ALCAM: variants seen among roughly 807,000 people sequenced by gnomAD.
ALCAM encodes CD166 antigen.
Under a neutral mutation model 70.9 loss-of-function variants are expected in ALCAM, and 30 were observed. The observed-to-expected ratio is 0.42, with a 90% CI of 0.32 to 0.57. The LOEUF (loss-of-function observed/expected upper bound fraction) is 0.57. Among genes scored for constraint, ALCAM ranks in the 20% least tolerant of loss-of-function variants. The pLI, the probability that ALCAM is intolerant of heterozygous loss-of-function variation, is 0.11. For missense variants in ALCAM, 591 were observed against 695.1 expected (o/e 0.85, Z 1.68); for synonymous variants, 249 against 242.5 (o/e 1.03, Z -0.25).
intron 1 of ALCAM, among the ~76,000 whole-genome samples, chr3:105,392,144 G>A (rs913585674): frequency 3.3e-5 from 5 of 151,992 alleles, no homozygotes; most frequent in Admixed American, 6.6e-5. Flanking sequence ...AGAAGAAATG[G>A]TATCAGCTCC....
At chr3:105,480,959 T>C (rs998195047) in intron 1 of ALCAM, among the ~76,000 whole-genome samples, 1 of 151,964 alleles carries the variant, frequency 6.6e-6, no homozygotes, top group Non-Finnish European at 1.5e-5. Flanking sequence ...GTCTGATTGA[T>C]GAGATTCTGT....
At chr3:105,513,671 T>C (rs1271871966) in intron 1 of ALCAM, among the ~76,000 whole-genome samples, 2 of 151,964 alleles carry the variant, frequency 1.3e-5, no homozygotes, top group Non-Finnish European at 2.9e-5. Context: ...AAAAATAAGG[T>C]TTCACAACTT....
At chr3:105,383,320 G>A (rs545353061) in intron 1 of ALCAM, among the ~76,000 whole-genome samples, 1 of 151,574 alleles carries the variant, frequency 6.6e-6, no homozygotes, top group Non-Finnish European at 1.5e-5. Context: ...TCTACCCAGC[G>A]TCTACTGATA....
chr3:105,527,715 A>C (rs1939740174), intron 3 of ALCAM, among the ~76,000 whole-genome samples: 1 of 152,090 alleles, frequency 6.6e-6, no homozygotes. Flanking sequence ...GCAGACATAG[A>C]GTCTGCTCTG....
rs78658593 is a variant in ALCAM at position 105,455,733 on chromosome 3, A to G, written c.74-64334A>G. ...CGAGCGACCACCGCCTTTCCAGGCA[A>G]TAACCCGATGACCCAGAAGTTACTA... is the stretch of plus-strand genomic sequence containing the variant. On this transcript the variant is annotated intron_variant, in intron 1 of 15. Coordinates refer to ENST00000306107, the MANE Select transcript of ALCAM (RefSeq NM_001627.4). Among the ~76,000 whole-genome samples, 1,233 of 152,326 alleles carry G rather than the reference A, an allele frequency of 8.1e-3. 49 individuals are homozygous for G. In the East Asian group the frequency reaches 0.12, roughly 15 times the overall value.
chr3:105,516,303 A>G (rs1939377055), intron 1 of ALCAM, among the ~76,000 whole-genome samples: 1 of 152,050 alleles, frequency 6.6e-6, no homozygotes, highest in Non-Finnish European at 1.5e-5. Context: ...GGCCAAAATT[A>G]CATTTTTATT....
chr3:105,460,158 G>C (rs1306008218), intron 1 of ALCAM, among the ~76,000 whole-genome samples: 1 of 151,878 alleles, frequency 6.6e-6, no homozygotes, highest in Non-Finnish European at 1.5e-5. Context: ...CATGCAGAAA[G>C]GTTATGTTTT....
chr3:105,459,842 C>T (rs1036639253), intron 1 of ALCAM, among the ~76,000 whole-genome samples: 2 of 151,990 alleles, frequency 1.3e-5, no homozygotes, highest in African/African-American at 2.4e-5. Flanking sequence ...TCTTAGTTCC[C>T]GCTCTCTTCT....
At chr3:105,424,882 A>G (rs970870934) in intron 1 of ALCAM, among the ~76,000 whole-genome samples, 1 of 151,730 alleles carries the variant, frequency 6.6e-6, no homozygotes, top group Admixed American at 6.6e-5. Flanking sequence ...GACTTGAGAG[A>G]TTGGCCTCCT....
chr3:105,495,242 G>A (rs1938701830), intron 1 of ALCAM, among the ~76,000 whole-genome samples: 1 of 152,192 alleles, frequency 6.6e-6, no homozygotes, highest in Admixed American at 6.5e-5. Context: ...GAAATCTGGA[G>A]CATCCAGAAA....
chr3:105,384,109 G>T (rs1047150416), intron 1 of ALCAM, among the ~76,000 whole-genome samples: 21 of 151,490 alleles, frequency 1.4e-4, no homozygotes, highest in African/African-American at 5.1e-4. Flanking sequence ...AGAAAATCTG[G>T]TTTTATTTTT....
intron 1 of ALCAM, among the ~76,000 whole-genome samples, chr3:105,474,175 A>G (rs1938027880): frequency 6.6e-6 from 1 of 151,716 alleles, no homozygotes; most frequent in Admixed American, 6.6e-5. Context: ...AACAACATCA[A>G]ATAGATTATG....
Position 105,534,903 on chromosome 3 carries a change from C to T in ALCAM, c.730+58C>T, listed in dbSNP as rs1576227397. 2.7e-6 allele frequency: 4 copies of T among 1,461,978 alleles called. No individual in the cohort carries two copies. In the East Asian group the frequency reaches 1.0e-4, roughly 37 times the overall value. The allele number at this position is 1,461,978 out of a possible 1,614,324, so 90.6% of individuals were successfully genotyped here. A position where few individuals can be genotyped will look rare whatever the true frequency, so the allele number is the denominator to read the frequency against. On this transcript the variant is annotated intron_variant, in intron 6 of 15. Transcript: ENST00000306107. The stretch of plus-strand genomic sequence containing the variant: ...ATGTATTAGAAATAATATTCAAATG[C>T]TATTAATCTTTGAGGTCCCAATCCA...
At chr3:105,437,231 C>T (rs1053328345) in intron 1 of ALCAM, among the ~76,000 whole-genome samples, 6 of 152,140 alleles carry the variant, frequency 3.9e-5, no homozygotes, top group Non-Finnish European at 8.8e-5. Flanking sequence ...TTGAGGAGCT[C>T]AAAGTTGCTA....
At chr3:105,388,607 T>A (rs1935718380) in intron 1 of ALCAM, among the ~76,000 whole-genome samples, 1 of 151,628 alleles carries the variant, frequency 6.6e-6, no homozygotes, top group African/African-American at 2.4e-5. Context: ...ATAAACTAAT[T>A]TAAGATTCCT....
chr3:105,452,170 C>T (rs1244197316), intron 1 of ALCAM, among the ~76,000 whole-genome samples: 1 of 151,702 alleles, frequency 6.6e-6, no homozygotes, highest in Non-Finnish European at 1.5e-5. Flanking sequence ...TATACATGTG[C>T]CATGGTGGTT....
intron 14 of ALCAM, among the ~76,000 whole-genome samples, chr3:105,563,364 C>T (rs1576243858): frequency 1.0e-4 from 1 of 9,900 alleles, no homozygotes; most frequent in Non-Finnish European, 5.8e-3. Context: ...CCTCAAATAA[C>T]TTTTTGCTTT....
intron 14 of ALCAM, among the ~76,000 whole-genome samples, chr3:105,568,053 A>ATTTAT (rs1559659901): frequency 2.7e-4 from 28 of 101,886 alleles, no homozygotes; most frequent in African/African-American, 9.6e-4. Context: ...TTATTATTTT[A>ATTTAT]TTTTATTTTA....
At chr3:105,462,758 C>A (rs1424191424) in intron 1 of ALCAM, among the ~76,000 whole-genome samples, 1 of 151,190 alleles carries the variant, frequency 6.6e-6, no homozygotes, top group Non-Finnish European at 1.5e-5. Context: ...GAAAGCCATG[C>A]CAAAGAGATT....
Sources: allele counts gnomAD v4.1 joint callset (sites outside exome capture counted in the v4.1 genomes callset), GRCh38; gene constraint gnomAD v4.1.1; transcripts MANE v1.5; gene names NCBI Gene and HGNC (gene_info 2026-07-23, HGNC 2026-07-21).